KDM5A: variants seen among roughly 807,000 people sequenced by gnomAD.
The protein encoded by KDM5A is lysine-specific demethylase 5A.
In KDM5A, 42 loss-of-function variants were observed where a neutral mutation model predicts 193.5. The ratio of observed to expected loss-of-function variants is 0.22; its 90% CI spans 0.17 to 0.28. The LOEUF (loss-of-function observed/expected upper bound fraction) is 0.28. KDM5A is among the 10% of genes least tolerant of loss of function. KDM5A has a pLI of 1.00. For synonymous variants in KDM5A, 796 were observed against 718.1 expected (o/e 1.11, Z -1.73); for missense variants, 1,692 against 2,055.1 (o/e 0.82, Z 3.42).
At chr12:287,497 CAA>C (rs58615505) in intron 27 of KDM5A, among the ~76,000 whole-genome samples, 65 of 121,652 alleles carry the variant, frequency 5.3e-4, no homozygotes, top group Non-Finnish European at 5.7e-4. Flanking sequence ...AATCAGAGAC[CAA>C]AAAAAAAAAA....
At chr12:305,978 T>G (rs1162899851) in intron 24 of KDM5A, among the ~76,000 whole-genome samples, 1 of 143,334 alleles carries the variant, frequency 7.0e-6, no homozygotes, top group Non-Finnish European at 1.5e-5. Flanking sequence ...TGTTTTTTTT[T>G]TTTTTTTTTT....
intron 25 of KDM5A, 33 bp downstream of exon 25, chr12:297,008 T>G (rs375881033): frequency 1.1e-5 from 18 of 1,607,836 alleles, no homozygotes; most frequent in South Asian, 1.1e-4. Flanking sequence ...GTTTTCTGCT[T>G]ATGTTCCCCA....
intron 24 of KDM5A, among the ~76,000 whole-genome samples, chr12:306,743 C>CAAAAA (rs371480095): frequency 1.1e-5 from 1 of 93,006 alleles, no homozygotes; most frequent in African/African-American, 4.0e-5. Context: ...ACTCCATCTC[C>CAAAAA]AAAAAAAAAA....
intron 10 of KDM5A, among the ~76,000 whole-genome samples, chr12:350,297 A>G (rs1361558632): frequency 1.3e-5 from 2 of 151,666 alleles, no homozygotes; most frequent in Non-Finnish European, 2.9e-5. Context: ...TTAGCCGGGC[A>G]TAATAGCGGG....
chr12:364,877 CAT>C (rs1944337160), intron 4 of KDM5A, among the ~76,000 whole-genome samples: 1 of 151,002 alleles, frequency 6.6e-6, no homozygotes, highest in African/African-American at 2.4e-5. Flanking sequence ...GAAATGAAAA[CAT>C]ATGTCCACTC....
At chr12:388,530 G>A (rs1565556360) in intron 1 of KDM5A, 1 of 360,600 alleles carries the variant, frequency 2.8e-6, no homozygotes, top group Non-Finnish European at 5.4e-6. Flanking sequence ...CCTGAGATGA[G>A]GCCTGCAAAT....
At chr12:313,614 A>G (rs75835529) in intron 19 of KDM5A, among the ~76,000 whole-genome samples, 4,122 of 152,286 alleles carry the variant, frequency 0.027, 87 homozygotes, top group Non-Finnish European at 0.042. Flanking sequence ...AGCAATATAG[A>G]AAACAATAGA....
rs1398296775 is a variant in KDM5A, at chr12:389,153, G to A, written c.-62C>T. 4.0e-6 allele frequency: 6 copies of A among 1,483,100 alleles called. No individual in the cohort carries two copies. The Admixed American group carries it at 6.8e-5, about 17-fold the overall frequency. 91.9% of individuals were successfully genotyped at this position (1,483,100 alleles called of 1,614,324 possible). A position where few individuals can be genotyped will look rare whatever the true frequency, so the allele number is the denominator to read the frequency against. On this transcript the variant is annotated 5_prime_UTR_variant, in exon 1 of 28. Transcript: ENST00000399788. ...AACCGGTGGAGAAAAGCTGGCTGAAGCCCACTAAGCCCGTTCAAGTCCCCT... is the reference window on the plus strand; with the variant it reads ...AACCGGTGGAGAAAAGCTGGCTGAAACCCACTAAGCCCGTTCAAGTCCCCT...
intron 6 of KDM5A, among the ~76,000 whole-genome samples, chr12:355,853 T>A (rs1391374636): frequency 6.6e-6 from 1 of 152,228 alleles, no homozygotes; most frequent in African/African-American, 2.4e-5. Context: ...ATATCCAGCC[T>A]AATCTTTGTT....
At chr12:359,093 C>A (rs1360511579) in intron 5 of KDM5A, among the ~76,000 whole-genome samples, 2 of 151,494 alleles carry the variant, frequency 1.3e-5, no homozygotes, top group African/African-American at 4.8e-5. Flanking sequence ...TCAATAAAAA[C>A]AAAAGAATAA....
At chr12:360,586 A>T (rs1944281911) in intron 5 of KDM5A, among the ~76,000 whole-genome samples, 1 of 152,246 alleles carries the variant, frequency 6.6e-6, no homozygotes, top group Non-Finnish European at 1.5e-5. Flanking sequence ...GAATCTCAGA[A>T]TTTGACAATT....
rs188297326 is a variant in KDM5A, at chr12:376,636, T to C, written c.366+7395A>G. 7.4e-3 allele frequency among the ~76,000 whole-genome samples: 1,123 copies of C among 152,252 alleles called. 9 individuals carry two copies. Among genetic ancestry groups the C allele is most frequent in the Middle Eastern group, 0.017 (5 of 294 alleles). The stretch of plus-strand genomic sequence containing the variant: ...CAGTGAGATGAACCTGGTACCTCAG[T>C]TGGAAATGCAGAAATCACCCGTCTT... On this transcript the variant is annotated intron_variant, in intron 3 of 27. Transcript: ENST00000399788.
intron 25 of KDM5A, 86 bp from the exon 26 acceptor site, chr12:295,879 C>A: frequency 1.9e-6 from 2 of 1,046,682 alleles, no homozygotes; most frequent in Non-Finnish European, 2.9e-6. Flanking sequence ...TGAGACTAGC[C>A]CCCCATCCCC....
Position 283,371 on chromosome 12 carries a change from C to T in KDM5A, c.*2085G>A, listed in dbSNP as rs575547055. The T allele has an allele frequency of 3.9e-5, 9 of 232,540 alleles. No homozygotes were observed. The highest frequency in any genetic ancestry group is 3.1e-4 in the East Asian group (5 of 16,376). 14.4% of individuals were successfully genotyped at this position (232,540 alleles called of 1,614,324 possible). A position where few individuals can be genotyped will look rare whatever the true frequency, so the allele number is the denominator to read the frequency against. Reference sequence around the variant, plus strand: ...ACCTTGCAATATCCATTGAAATCTTCGATCATACACAAACTTACTTCAGAT... The same window carrying T: ...ACCTTGCAATATCCATTGAAATCTTTGATCATACACAAACTTACTTCAGAT... On this transcript the variant is annotated 3_prime_UTR_variant, in exon 28 of 28. Coordinates refer to ENST00000399788, the MANE Select transcript of KDM5A (RefSeq NM_001042603.3).
intron 2 of KDM5A, 131 bp from the exon 3 acceptor site, chr12:384,284 A>C (rs1944613200): frequency 1.4e-6 from 1 of 714,764 alleles, no homozygotes; most frequent in South Asian, 1.4e-5. Flanking sequence ...GCCACACAGC[A>C]GGAGGTGAGC....
At chr12:374,682 A>G (rs1213348127) in intron 3 of KDM5A, among the ~76,000 whole-genome samples, 3 of 152,146 alleles carry the variant, frequency 2.0e-5, no homozygotes, top group Admixed American at 6.5e-5. Context: ...TGGTCTTTAC[A>G]GTTTGGCATG....
At chr12:346,395 C>A (rs575080637) in intron 10 of KDM5A, among the ~76,000 whole-genome samples, 1 of 152,176 alleles carries the variant, frequency 6.6e-6, no homozygotes, top group Admixed American at 6.5e-5. Flanking sequence ...AAGACGGAAT[C>A]CTCCCTAACT....
At chr12:305,874 G>A (rs893806692) in intron 24 of KDM5A, among the ~76,000 whole-genome samples, 3 of 151,762 alleles carry the variant, frequency 2.0e-5, no homozygotes, top group African/African-American at 7.3e-5. Flanking sequence ...ATTCTAACCT[G>A]GGCCCAAGTA....
At chr12:362,830 G>T in intron 5 of KDM5A, 133 bp downstream of exon 5, 2 of 773,066 alleles carry the variant, frequency 2.6e-6, no homozygotes, top group Non-Finnish European at 4.4e-6. Context: ...GCACAGCAGC[G>T]CATACCAACC....
Sources: allele counts gnomAD v4.1 joint callset (sites outside exome capture counted in the v4.1 genomes callset), GRCh38; gene constraint gnomAD v4.1.1; transcripts MANE v1.5; gene names NCBI Gene and HGNC (gene_info 2026-07-23, HGNC 2026-07-21).